Variants in ESRRB observed in about 807,000 individuals in gnomAD.
ESRRB encodes estrogen related receptor beta, also known as steroid hormone receptor ERR2.
Under a neutral mutation model 46.0 loss-of-function variants are expected in ESRRB, and 16 were observed. That is an observed-to-expected ratio of 0.35 (90% CI 0.24 to 0.53). ESRRB has a LOEUF of 0.53. Among genes scored for constraint, ESRRB ranks in the 20% least tolerant of loss-of-function variants. The pLI, the probability that ESRRB is intolerant of heterozygous loss-of-function variation, is 0.93. For synonymous variants in ESRRB, 246 were observed against 259.6 expected, an observed-to-expected ratio of 0.95 and a Z score of 0.50; for missense variants, 488 against 607.4, an observed-to-expected ratio of 0.80 and a Z score of 2.07.
chr14:76,432,671 CTTTTTTT>C (rs529243634), intron 1 of ESRRB, among the ~76,000 whole-genome samples: 1 of 111,436 alleles, frequency 9.0e-6, no homozygotes. Context: ...TTCTCTCTCT[CTTTTTTT>C]TTTTTTTTTT....
chr14:76,321,897 A>T lies in ESRRB; in HGVS notation c.2+10981A>T, dbSNP rs188277135. Among the ~76,000 whole-genome samples the T allele has an allele frequency of 7.9e-3, 1,196 of 151,800 alleles. 20 individuals carry two copies. The highest frequency in any genetic ancestry group is 0.027 in the African/African-American group (1,120 of 41,396). ...GCGGGACTCCGTCTCAAAAAAAAAA[A>T]AAATATATTCTTCCCATTATACAAA... On this transcript the variant is annotated intron_variant, in intron 1 of 6. Coordinates refer to the ESRRB transcript ENST00000512784.
intron 1 of ESRRB, among the ~76,000 whole-genome samples, chr14:76,403,998 C>T (rs567596255): frequency 1.3e-4 from 20 of 152,290 alleles, no homozygotes; most frequent in South Asian, 4.1e-4. Context: ...GGATTACAGG[C>T]GTGAGCCACC....
At chr14:76,375,560 C>T (rs1201437793), upstream of ESRRB, among the ~76,000 whole-genome samples, 1 of 152,154 alleles carries the variant, frequency 6.6e-6, no homozygotes, top group African/African-American at 2.4e-5. Flanking sequence ...TGCATCTAGC[C>T]ATATGAGAGT....
chr14:76,422,206 CTTT>C (rs552738537), intron 1 of ESRRB, among the ~76,000 whole-genome samples: 3,873 of 94,652 alleles, frequency 0.041, 99 homozygotes, highest in East Asian at 0.19. Context: ...ACATTTCCTT[CTTT>C]TTTTTTTTTT....
intron 1 of ESRRB, among the ~76,000 whole-genome samples, chr14:76,419,683 C>T (rs913238173): frequency 6.6e-6 from 1 of 152,052 alleles, no homozygotes. Flanking sequence ...CTTTGAAGGT[C>T]GTATTCTATA....
At chr14:76,342,274 T>C (rs564442238) in intron 1 of ESRRB, among the ~76,000 whole-genome samples, 5 of 152,244 alleles carry the variant, frequency 3.3e-5, no homozygotes, top group African/African-American at 1.2e-4. Context: ...GTGAGCAGCC[T>C]TCTCCCTCTG....
intron 1 of ESRRB, among the ~76,000 whole-genome samples, chr14:76,396,193 C>T (rs369760333): frequency 7.3e-6 from 1 of 137,222 alleles, no homozygotes; most frequent in South Asian, 2.4e-4. Context: ...AAAACAAAAA[C>T]AAAAACAAAA....
intron 6 of ESRRB, among the ~76,000 whole-genome samples, chr14:76,493,025 C>T (rs1012174441): frequency 6.6e-6 from 1 of 152,150 alleles, no homozygotes; most frequent in Admixed American, 6.5e-5. Flanking sequence ...AGTTAACTGC[C>T]CAGGTCTGGG....
intron 1 of ESRRB, among the ~76,000 whole-genome samples, chr14:76,343,395 T>C (rs1884213807): frequency 6.6e-6 from 1 of 152,252 alleles, no homozygotes; most frequent in African/African-American, 2.4e-5. Flanking sequence ...ATCCAACAAG[T>C]GTAACCACCT....
At chr14:76,485,971 A>T (rs1257073175) in intron 5 of ESRRB, among the ~76,000 whole-genome samples, 1 of 149,560 alleles carries the variant, frequency 6.7e-6, no homozygotes, top group East Asian at 2.0e-4. Context: ...CAAGGATCCC[A>T]TTTGGAACAA....
intron 1 of ESRRB, among the ~76,000 whole-genome samples, chr14:76,364,699 A>T (rs576971798): frequency 6.6e-6 from 1 of 151,970 alleles, no homozygotes; most frequent in East Asian, 1.9e-4. Flanking sequence ...CTCAAAAAAA[A>T]AAAAATGCCC....
At position 76,482,904 on chromosome 14, in the gene ESRRB, C is replaced by T; in HGVS notation, c.850+145C>T. 1 of 916,414 alleles carries T rather than the reference C, an allele frequency of 1.1e-6. No individual in the cohort carries two copies. The allele number at this position is 916,414 out of a possible 1,614,324, so 56.8% of individuals were successfully genotyped here. A position where few individuals can be genotyped will look rare whatever the true frequency, so the allele number is the denominator to read the frequency against. The stretch of plus-strand genomic sequence containing the variant: ...CTGGCAGGCCTGTTTCTCTGAGCTC[C>T]TCTTCTCTCCTTGTAGCATTGGAGA... On this transcript the variant is annotated intron_variant, in intron 5 of 6. Coordinates refer to ENST00000644823, the MANE Select transcript of ESRRB (RefSeq NM_001379180.1). The surrounding 1 kb of genome is among the most constrained non-coding windows in gnomAD (Gnocchi z 4.3).
intron 1 of ESRRB, among the ~76,000 whole-genome samples, chr14:76,385,399 C>A (rs1004724200): frequency 6.6e-6 from 1 of 152,018 alleles, no homozygotes; most frequent in Non-Finnish European, 1.5e-5. Context: ...CTTGTTGGAC[C>A]CTGAGTAAAA....
At chr14:76,484,568 C>T (rs1215680444) in intron 5 of ESRRB, among the ~76,000 whole-genome samples, 1 of 152,002 alleles carries the variant, frequency 6.6e-6, no homozygotes, top group African/African-American at 2.4e-5. Flanking sequence ...TCACGAGTGG[C>T]GCCTGGTGGT....
chr14:76,387,641 C>T (rs574137866), intron 1 of ESRRB, among the ~76,000 whole-genome samples: 2 of 152,210 alleles, frequency 1.3e-5, no homozygotes, highest in African/African-American at 2.4e-5. Context: ...GACCTCCAGA[C>T]GGGCTGGAAA....
chr14:76,435,090 G>A (rs1467582090), intron 1 of ESRRB, among the ~76,000 whole-genome samples: 4 of 152,178 alleles, frequency 2.6e-5, no homozygotes, highest in African/African-American at 4.8e-5. Context: ...AAGATGGCAC[G>A]GAAGAAGGTG....
chr14:76,440,635 A>G (rs1451326473), intron 2 of ESRRB, among the ~76,000 whole-genome samples: 1 of 148,822 alleles, frequency 6.7e-6, no homozygotes, highest in Non-Finnish European at 1.5e-5. Flanking sequence ...AGTTTGACCT[A>G]TCTTTTAAGA....
chr14:76,315,307 G>A (rs1357246038), intron 1 of ESRRB, among the ~76,000 whole-genome samples: 3 of 152,074 alleles, frequency 2.0e-5, no homozygotes, highest in Non-Finnish European at 4.4e-5. Flanking sequence ...TAGGCCAGGA[G>A]CTCCACCGAG....
chr14:76,377,880 G>A (rs995634231), intron 1 of ESRRB, among the ~76,000 whole-genome samples: 5 of 152,176 alleles, frequency 3.3e-5, no homozygotes, highest in African/African-American at 1.2e-4. Context: ...ACTCCACCCT[G>A]GGGCAGAGGG....
Sources: gnomAD v4.1 joint callset for allele counts (sites outside exome capture counted in the v4.1 genomes callset) on GRCh38, gnomAD v4.1.1 for gene constraint, Gnocchi (gnomAD v3.1) non-coding constraint, MANE v1.5 for transcripts, NCBI Gene and HGNC (gene_info 2026-07-23, HGNC 2026-07-21) for gene names.